ABCC9: variants seen among roughly 807,000 people sequenced by gnomAD.
The protein encoded by ABCC9 is ATP binding cassette subfamily C member 9, also known as ATP-binding cassette sub-family C member 9.
ABCC9 carries 95 observed loss-of-function variants against 188.3 expected under a neutral mutation model. The observed-to-expected ratio is 0.50, with a 90% CI of 0.43 to 0.60. The LOEUF (loss-of-function observed/expected upper bound fraction) is 0.60. Ranked by LOEUF, ABCC9 falls within the 20% of genes least tolerant of loss-of-function variation. The pLI, the probability that ABCC9 is intolerant of heterozygous loss-of-function variation, is 0.00. For synonymous variants in ABCC9, 659 were observed against 652.7 expected (o/e 1.01, Z -0.15); for missense variants, 1,102 against 1,876.3 (o/e 0.59, Z 7.62).
At chr12:21,830,800 C>T (rs1201234952) in intron 30 of ABCC9, among the ~76,000 whole-genome samples, 2 of 152,136 alleles carry the variant, frequency 1.3e-5, no homozygotes, top group Admixed American at 1.3e-4. Context: ...TGCCATGCTG[C>T]CATGCACAGG....
rs1949379077 is a variant in ABCC9 at position 21,933,818 on chromosome 12, T to C, written c.248A>G (p.His83Arg). The change falls in exon 4 of 40, where the codon CAT becomes CGT. Residue 83 changes from histidine to arginine, a missense_variant. His to Arg is a conservative substitution (Grantham distance 29, BLOSUM62 0). Transcript: ENST00000261200. The part of the protein sequence containing the change: ...WILTFALLFV[H>R]VCEIAEGIVS... ...AATGCCTTCTGCTATTTCACAGACA[T>C]GCACAAACAGGAGAGCGAATGTAAG... The C allele has an allele frequency of 2.5e-6, 4 of 1,613,636 alleles. No homozygotes were observed. Among genetic ancestry groups the C allele is most frequent in the African/African-American group, 2.7e-5 (2 of 75,004 alleles).
At chr12:21,936,403 C>G in intron 3 of ABCC9, 130 bp downstream of exon 3, 1 of 814,400 alleles carries the variant, frequency 1.2e-6, no homozygotes, top group South Asian at 1.9e-5. Flanking sequence ...ACACAAAATA[C>G]TTGCTTGTTC....
chr12:21,882,226 C>T (rs1206115683), intron 16 of ABCC9, among the ~76,000 whole-genome samples: 3 of 152,070 alleles, frequency 2.0e-5, no homozygotes, highest in Non-Finnish European at 4.4e-5. Context: ...CTTCCAATTC[C>T]TGCACAACAC....
At chr12:21,935,091 C>G (rs1391788197) in intron 3 of ABCC9, among the ~76,000 whole-genome samples, 1 of 152,064 alleles carries the variant, frequency 6.6e-6, no homozygotes, top group Non-Finnish European at 1.5e-5. Flanking sequence ...AATGTCCCCT[C>G]AAATTCTCTT....
At chr12:21,891,957 G>C (rs1385541038) in intron 14 of ABCC9, among the ~76,000 whole-genome samples, 1 of 152,104 alleles carries the variant, frequency 6.6e-6, no homozygotes, top group Admixed American at 6.6e-5. Flanking sequence ...GCACACAGTG[G>C]GAAAAAGGAT....
chr12:21,878,881 C>T (rs1946495712), intron 16 of ABCC9, among the ~76,000 whole-genome samples: 1 of 152,130 alleles, frequency 6.6e-6, no homozygotes, highest in African/African-American at 2.4e-5. Flanking sequence ...CTGCCTTTTA[C>T]AAAATGCACT....
Position 21,848,969 on chromosome 12 carries a change from C to T in ABCC9, c.2770-723G>A, listed in dbSNP as rs918056306. 2.6e-5 allele frequency among the ~76,000 whole-genome samples: 4 copies of T among 152,144 alleles called. No homozygotes were observed. In the East Asian group the frequency reaches 7.7e-4, roughly 29 times the overall value. On this transcript the variant is annotated intron_variant, in intron 24 of 39. Transcript: ENST00000261200. The stretch of plus-strand genomic sequence containing the variant: ...AGAATCATTTCATTTTCTCCATGCC[C>T]TGCTTCCAACACACCAGCTCCCCTG...
Position 21,915,514 on chromosome 12 carries a change from A to ATATATATATATTT in ABCC9, c.816+153_816+154insAAATATATATATA. 2.3e-3 allele frequency among the ~76,000 whole-genome samples: 8 copies of ATATATATATATTT among 3,520 alleles called. 2 individuals are homozygous for ATATATATATATTT. Among genetic ancestry groups the ATATATATATATTT allele is most frequent in the Non-Finnish European group, 3.7e-3 (8 of 2,142 alleles). The allele number at this position is 3,520 out of a possible 152,430, so 2.3% of individuals were successfully genotyped here. On this transcript the variant is annotated intron_variant, in intron 7 of 39. Coordinates refer to ENST00000261200, the MANE Select transcript of ABCC9 (RefSeq NM_020297.4). Reference sequence around the variant, plus strand: ...TGTGTGTGTGTGTATATATATATATATTTTTTTTTTTTTTTTGAGACAGAG... The same window carrying ATATATATATATTT: ...TGTGTGTGTGTGTATATATATATATATATATATATATTTTTTTTTTTTTTTTTTTGAGACAGAG...
intron 31 of ABCC9, among the ~76,000 whole-genome samples, chr12:21,823,119 A>G (rs1433612891): frequency 6.6e-6 from 1 of 152,182 alleles, no homozygotes; most frequent in Non-Finnish European, 1.5e-5. Flanking sequence ...TCAACTTAGG[A>G]AACAGAAGTT....
chr12:21,847,857 T>A (rs1204101442), intron 25 of ABCC9, among the ~76,000 whole-genome samples: 1 of 152,166 alleles, frequency 6.6e-6, no homozygotes, highest in Non-Finnish European at 1.5e-5. Context: ...ACAATTTCAA[T>A]TTTTCTGAAC....
At chr12:21,899,669 C>T (rs576547085) in intron 12 of ABCC9, among the ~76,000 whole-genome samples, 76 of 152,352 alleles carry the variant, frequency 5.0e-4, no homozygotes, top group African/African-American at 1.6e-3. Context: ...TCATATCCCA[C>T]GCCTGGCTCG....
Position 21,912,975 on chromosome 12 carries a change from A to G in ABCC9, c.908T>C (p.Phe303Ser), listed in dbSNP as rs200207117. The G allele has an allele frequency of 3.7e-6, 6 of 1,613,670 alleles. No homozygotes were observed. The East Asian group carries it at 1.3e-4, about 36-fold the overall frequency. ...FGRPILLSST[F>S]RYLADLLGFA... is the part of the protein sequence containing the mutation. ...ACCCAGTAAATCAGCCAGATAGCGG[A>G]ATGTGCTACTAAGTAGAATTGGTCG... is the stretch of plus-strand genomic sequence containing the variant. Residue 303 changes from phenylalanine to serine, a missense_variant, in exon 8 of 40, where the codon TTC (phenylalanine) becomes TCC (serine). Coordinates refer to ENST00000261200, the MANE Select transcript of ABCC9 (RefSeq NM_020297.4).
chr12:21,845,137 C>T (rs1565730518), intron 26 of ABCC9, among the ~76,000 whole-genome samples: 39 of 151,486 alleles, frequency 2.6e-4, no homozygotes, highest in South Asian at 8.3e-4. Flanking sequence ...TCAAGGCTTG[C>T]TTAAAAGCAG....
intron 15 of ABCC9, 47 bp downstream of exon 15, chr12:21,887,779 A>G (rs1946953803): frequency 8.5e-7 from 1 of 1,179,882 alleles, no homozygotes; most frequent in Non-Finnish European, 1.3e-6. Flanking sequence ...CATTCTGCTG[A>G]GACTGTCCTC....
intron 14 of ABCC9, among the ~76,000 whole-genome samples, chr12:21,889,086 C>A (rs1201159232): frequency 6.6e-6 from 1 of 152,056 alleles, no homozygotes; most frequent in East Asian, 1.9e-4. Context: ...GACACAATAA[C>A]AAAATGAGAA....
chr12:21,837,969 C>A (rs1944188714), intron 30 of ABCC9, 109 bp downstream of exon 30: 2 of 943,040 alleles, frequency 2.1e-6, no homozygotes, highest in Non-Finnish European at 3.4e-6. Flanking sequence ...CCATCAGGCA[C>A]ACAATGGGGA....
intron 12 of ABCC9, among the ~76,000 whole-genome samples, chr12:21,899,710 T>C (rs1302869799): frequency 6.6e-6 from 1 of 152,160 alleles, no homozygotes; most frequent in Non-Finnish European, 1.5e-5. Context: ...GCCTCACTTA[T>C]TGCTAGCACA....
rs145722177 is a variant in ABCC9, at chr12:21,905,549, C to T, written c.1618+577G>A. Among the ~76,000 whole-genome samples, 296 of 151,936 alleles carry T rather than the reference C, an allele frequency of 1.9e-3. 2 individuals are homozygous for T. The highest frequency in any genetic ancestry group is 6.7e-3 in the African/African-American group (278 of 41,444). On this transcript the variant is annotated intron_variant, in intron 12 of 39. Transcript: ENST00000261200. ...GAACGATGTCTTTTGTTTCCAAAGT[C>T]GATATCCTAGATTGATGCAAAATAA... is the stretch of plus-strand genomic sequence containing the variant.
chr12:21,875,796 A>C (rs1592128249), intron 16 of ABCC9, 70 bp from the exon 17 acceptor site: 2 of 1,330,736 alleles, frequency 1.5e-6, no homozygotes, highest in East Asian at 2.5e-5. Context: ...TAAAATAATA[A>C]TTTGTAGGCC....
Sources: allele counts gnomAD v4.1 joint callset (sites outside exome capture counted in the v4.1 genomes callset), GRCh38; gene constraint gnomAD v4.1.1; transcripts MANE v1.5; gene names NCBI Gene and HGNC (gene_info 2026-07-23, HGNC 2026-07-21).